Variants in ZNF519 observed in about 807,000 individuals in gnomAD.
The protein encoded by ZNF519 is similar to Zinc finger protein 85 (Zinc finger protein HPF4) (HTF1).
ZNF519 carries 7 observed loss-of-function variants against 7.4 expected under a neutral mutation model. The ratio of observed to expected loss-of-function variants is 0.94; its 90% confidence interval spans 0.54 to 1.77. ZNF519 has a LOEUF of 1.77. Ranked by LOEUF, ZNF519 falls within the 40% of genes most tolerant of loss-of-function variation. The pLI is 0.00. For missense variants in ZNF519, 586 were observed against 623.1 expected (o/e 0.94, Z 0.63); for synonymous variants, 179 against 203.3 (o/e 0.88, Z 1.02).
At chr18:14,125,206 A>G (rs375419935) in intron 1 of ZNF519, among the ~76,000 whole-genome samples, 17 of 152,260 alleles carry the variant, frequency 1.1e-4, no homozygotes, top group African/African-American at 4.1e-4. Flanking sequence ...AAGACCACCA[A>G]TCATCAGCCT....
At chr18:14,110,822 A>G (rs2046216350) in intron 2 of ZNF519, among the ~76,000 whole-genome samples, 1 of 152,200 alleles carries the variant, frequency 6.6e-6, no homozygotes, top group South Asian at 2.1e-4. Context: ...GTATATTCTT[A>G]TAAGTGAGAG....
At chr18:14,085,405 AT>A (rs933254319) in intron 2 of ZNF519, among the ~76,000 whole-genome samples, 1 of 152,172 alleles carries the variant, frequency 6.6e-6, no homozygotes, top group African/African-American at 2.4e-5. Context: ...CAGAAGGGTG[AT>A]TTTTTTGGAA....
intron 3 of ZNF519, chr18:14,080,315 G>GTTT (rs55805123): frequency 0.08 from 8,053 of 100,684 alleles, 1,247 homozygotes; most frequent in South Asian, 0.1. Flanking sequence ...CAATTTGACA[G>GTTT]TTTTTTTTTT....
chr18:14,091,157 TTTATA>T, intron 2 of ZNF519: 1 of 152,316 alleles, frequency 6.6e-6, no homozygotes, highest in East Asian at 1.9e-4. Context: ...ATGTTTGAAC[TTTATA>T]TTATTTAATT....
intron 2 of ZNF519, among the ~76,000 whole-genome samples, chr18:14,115,382 A>C (rs2046241324): frequency 6.6e-6 from 1 of 152,234 alleles, no homozygotes; most frequent in Non-Finnish European, 1.5e-5. Flanking sequence ...TACATATTTT[A>C]CATCAATATA....
At chr18:14,129,163 G>GA (rs2046317198) in intron 1 of ZNF519, among the ~76,000 whole-genome samples, 1 of 152,156 alleles carries the variant, frequency 6.6e-6, no homozygotes, top group Admixed American at 6.5e-5. Context: ...AATCAGAAGA[G>GA]ATTATGATCA....
In ZNF519 at chr18:14,106,232, T is replaced by C. The variant is rs1177476233; in HGVS notation, c.308A>G (p.Gln103Arg). ...TTTGTTATGACTAGTTGTCAAATATTGGCTACATAGATTATAACATTCCTT... is the reference window on the plus strand; with the variant it reads ...TTTGTTATGACTAGTTGTCAAATATCGGCTACATAGATTATAACATTCCTT... ...GQKECYNLCS[Q>R]YLTTSHNKHL... The change falls in exon 3 of 3, where the codon CAA (glutamine) becomes CGA (arginine). Residue 103 changes from glutamine to arginine, a missense_variant. By Grantham distance (43) the Gln-to-Arg change is conservative (BLOSUM62 1). Transcript: ENST00000590202. 3 of 1,613,498 alleles carry C rather than the reference T, an allele frequency of 1.9e-6. No individual in the cohort carries two copies. The Admixed American group carries it at 5.0e-5, about 27-fold the overall frequency.
chr18:14,090,848 GAC>G, intron 2 of ZNF519: 1 of 152,352 alleles, frequency 6.6e-6, no homozygotes, highest in Admixed American at 6.5e-5. Context: ...CTATACTTGA[GAC>G]ACTAATCTCT....
downstream of ZNF519, chr18:14,074,230 T>A (rs1472189033): frequency 6.6e-6 from 1 of 152,184 alleles, no homozygotes; most frequent in Non-Finnish European, 1.5e-5. Flanking sequence ...CCTTTTGTGA[T>A]GCTCCCGTGG....
downstream of ZNF519, chr18:14,074,713 A>G (rs1329483562): frequency 6.6e-6 from 1 of 152,224 alleles, no homozygotes; most frequent in African/African-American, 2.4e-5. Context: ...TGCTATCAGC[A>G]TTTTGGGTAA....
downstream of ZNF519, among the ~76,000 whole-genome samples, chr18:14,099,217 C>T (rs766681788): frequency 2.6e-5 from 4 of 152,072 alleles, no homozygotes; most frequent in African/African-American, 2.4e-5. Context: ...GGAGTAACAG[C>T]CCCTCCTCAA....
chr18:14,129,669 C>T lies in ZNF519; in HGVS notation c.3+2606G>A, dbSNP rs2046319991. Among the ~76,000 whole-genome samples the T allele has an allele frequency of 1.3e-5, 2 of 152,118 alleles. 1 individual carries two copies. The highest frequency in any genetic ancestry group is 4.2e-4 in the South Asian group (2 of 4,814). ...AATTATCCAACACCAACTAGCTGTC[C>T]AACACCTCAATTCCAACACCGCCCA... On this transcript the variant is annotated intron_variant, in intron 1 of 2. Transcript: ENST00000590202.
intron 2 of ZNF519, among the ~76,000 whole-genome samples, chr18:14,109,435 T>C (rs1395656766): frequency 1.3e-5 from 2 of 152,184 alleles, no homozygotes; most frequent in Non-Finnish European, 2.9e-5. Flanking sequence ...AGTGCATGAA[T>C]CATTCTCATT....
At chr18:14,131,601 A>G (rs954129244) in intron 1 of ZNF519, among the ~76,000 whole-genome samples, 2 of 152,222 alleles carry the variant, frequency 1.3e-5, no homozygotes, top group East Asian at 3.8e-4. Context: ...CTAGGCCTCT[A>G]TGTAAAAAAA....
intron 2 of ZNF519, among the ~76,000 whole-genome samples, chr18:14,088,981 TG>T (rs1168290814): frequency 2.0e-5 from 3 of 152,112 alleles, no homozygotes; most frequent in Non-Finnish European, 4.4e-5. Flanking sequence ...CATGTCTGAC[TG>T]AAAAAAACAT....
intron 2 of ZNF519, among the ~76,000 whole-genome samples, chr18:14,111,810 T>C (rs994328136): frequency 3.3e-5 from 5 of 152,174 alleles, no homozygotes; most frequent in African/African-American, 1.2e-4. Context: ...GAGAAAAGCC[T>C]GAAATCTGAT....
At chr18:14,079,157 C>T (rs765269670) in intron 3 of ZNF519, among the ~76,000 whole-genome samples, 5 of 152,176 alleles carry the variant, frequency 3.3e-5, no homozygotes, top group Non-Finnish European at 7.3e-5. Flanking sequence ...ACATGTGGCC[C>T]ACAGAGGTGA....
chr18:14,110,256 T>C (rs1483545774), intron 2 of ZNF519, among the ~76,000 whole-genome samples: 3 of 151,998 alleles, frequency 2.0e-5, no homozygotes, highest in African/African-American at 4.8e-5. Context: ...AAAGGTAACA[T>C]ATAAAAAAAC....
downstream of ZNF519, among the ~76,000 whole-genome samples, chr18:14,095,429 C>A (rs1293630442): frequency 1.3e-5 from 2 of 152,216 alleles, no homozygotes; most frequent in African/African-American, 4.8e-5. Context: ...GTGTTTGTGG[C>A]CGCTGCAGTC....
Sources: allele counts gnomAD v4.1 joint callset (sites outside exome capture counted in the v4.1 genomes callset), GRCh38; gene constraint gnomAD v4.1.1; transcripts MANE v1.5; gene names NCBI Gene and HGNC (gene_info 2026-07-23, HGNC 2026-07-21).